AGBL3: variants seen among roughly 807,000 people sequenced by gnomAD.
AGBL3 encodes AGBL carboxypeptidase 3.
In AGBL3, 68 loss-of-function variants were observed where a neutral mutation model predicts 94.5. That is an observed-to-expected ratio of 0.72 (90% confidence interval 0.59 to 0.88). AGBL3 has a LOEUF of 0.88. Ranked by LOEUF, AGBL3 falls within the 40% of genes least tolerant of loss-of-function variation. AGBL3 has a pLI of 0.00. For synonymous variants in AGBL3, 354 were observed against 370.7 expected (o/e 0.95, Z 0.52); for missense variants, 934 against 1,103.8 (o/e 0.85, Z 2.18).
intron 5 of AGBL3, among the ~76,000 whole-genome samples, chr7:135,026,611 C>T (rs1288005726): frequency 6.6e-6 from 1 of 151,600 alleles, no homozygotes; most frequent in Non-Finnish European, 1.5e-5. Context: ...CTTTTTATCT[C>T]TGGCATTACA....
chr7:135,104,339 C>T (rs1824319752), intron 15 of AGBL3, among the ~76,000 whole-genome samples: 5 of 152,130 alleles, frequency 3.3e-5, no homozygotes, highest in Admixed American at 3.3e-4. Flanking sequence ...AGGTTGATTC[C>T]ATGTCTTTGC....
Position 135,070,766 on chromosome 7 carries a change from A to G in AGBL3, c.1909-5631A>G, listed in dbSNP as rs1470954253. On this transcript the variant is annotated intron_variant, in intron 12 of 16. Transcript: ENST00000436302. Reference sequence around the variant, plus strand: ...TATCTATGACAAACCCACAGCCAATATCATACTGAATGGGCAAAAACTGGA... The same window carrying G: ...TATCTATGACAAACCCACAGCCAATGTCATACTGAATGGGCAAAAACTGGA... Among the ~76,000 whole-genome samples the G allele has an allele frequency of 2.6e-5, 4 of 152,208 alleles. No individual in the cohort carries two copies. The South Asian group carries it at 8.3e-4, about 32-fold the overall frequency.
intron 16 of AGBL3, among the ~76,000 whole-genome samples, chr7:135,131,396 C>G (rs930760980): frequency 4.0e-5 from 6 of 151,130 alleles, no homozygotes; most frequent in Admixed American, 1.3e-4. Flanking sequence ...ACCTATGTAA[C>G]AAACCTGCAC....
At chr7:134,997,057 G>A (rs1162765466) in intron 4 of AGBL3, among the ~76,000 whole-genome samples, 5 of 152,140 alleles carry the variant, frequency 3.3e-5, no homozygotes, top group Admixed American at 1.3e-4. Flanking sequence ...CCAGTTTCGG[G>A]GAAGATAATT....
chr7:135,133,380 G>A (rs545393369), intron 16 of AGBL3, among the ~76,000 whole-genome samples: 2 of 152,258 alleles, frequency 1.3e-5, no homozygotes, highest in East Asian at 3.9e-4. Context: ...AGTTTAACAC[G>A]ATGCCTATCA....
intron 12 of AGBL3, among the ~76,000 whole-genome samples, chr7:135,061,462 C>T (rs1818833631): frequency 6.6e-6 from 1 of 152,012 alleles, no homozygotes; most frequent in African/African-American, 2.4e-5. Context: ...AAAATGATTG[C>T]CCAGACCAAT....
rs1430328108 is a variant in AGBL3, at chr7:135,086,426, C to CA, written c.2110+4637dup. ...AGGGGAAAAGCTTTCAACTTTTCCT[C>CA]ATTCAGCATGATATTGGGTGCGGGT... On this transcript the variant is annotated intron_variant, in intron 15 of 16. Coordinates refer to ENST00000436302, the MANE Select transcript of AGBL3 (RefSeq NM_178563.4). Among the ~76,000 whole-genome samples, 3 of 152,108 alleles carry CA rather than the reference C, an allele frequency of 2.0e-5. No individual in the cohort carries two copies. The East Asian group carries it at 5.8e-4, about 29-fold the overall frequency.
chr7:135,129,240 A>G (rs1481309901), intron 16 of AGBL3: 1 of 1,498,070 alleles, frequency 6.7e-7, no homozygotes, highest in South Asian at 1.1e-5. Context: ...GCCTGGCTAC[A>G]TCATGGGTAT....
rs142335022 is a variant in AGBL3 at position 135,120,763 on chromosome 7, A to G, written c.2342+5152A>G. ...AGGATGGAAGAAGATACATCATGCA[A>G]ACATTAATAGATGAAAGCAGAAGTG... is the stretch of plus-strand genomic sequence containing the variant. On this transcript the variant is annotated intron_variant, in intron 16 of 16. Transcript: ENST00000436302. Among the ~76,000 whole-genome samples, 3 of 152,364 alleles carry G rather than the reference A, an allele frequency of 2.0e-5. No homozygotes were observed. In the East Asian group the frequency reaches 5.8e-4, roughly 29 times the overall value.
intron 5 of AGBL3, among the ~76,000 whole-genome samples, chr7:135,024,335 C>T (rs567005555): frequency 6.6e-6 from 1 of 152,318 alleles, no homozygotes; most frequent in African/African-American, 2.4e-5. Context: ...GGCCATTACT[C>T]TCAAGCACCA....
At chr7:135,002,590 A>G (rs1811856978) in intron 4 of AGBL3, among the ~76,000 whole-genome samples, 1 of 152,160 alleles carries the variant, frequency 6.6e-6, no homozygotes, top group African/African-American at 2.4e-5. Flanking sequence ...CCCCAAGTAG[A>G]CAAAGAAACT....
intron 2 of AGBL3, among the ~76,000 whole-genome samples, chr7:134,988,926 C>G (rs938428173): frequency 6.6e-6 from 1 of 152,178 alleles, no homozygotes; most frequent in Non-Finnish European, 1.5e-5. Flanking sequence ...GCATGAGCCG[C>G]CACGCCCGGC....
chr7:135,125,940 T>A (rs1208383525), intron 16 of AGBL3, among the ~76,000 whole-genome samples: 1 of 152,134 alleles, frequency 6.6e-6, no homozygotes, highest in Non-Finnish European at 1.5e-5. Flanking sequence ...CAATATCATA[T>A]TGAATAGGCA....
rs1283156213 is a variant in AGBL3 at position 135,034,721 on chromosome 7, T to C, written c.1130T>C (p.Phe377Ser). ...ETNSSWIMKGFLDYILGNSSD... is the reference protein window; with the variant it reads ...ETNSSWIMKGSLDYILGNSSD... ...AACAGCTCTTGGATCATGAAAGGCT[T>C]CCTAGATTATATTTTAGGAAACTCA... The change falls in exon 7 of 17, where the codon TTC becomes TCC. Residue 377 changes from phenylalanine (F) to serine (S), a missense_variant. By Grantham distance (155) the Phe-to-Ser change is radical. Coordinates refer to ENST00000436302, the MANE Select transcript of AGBL3 (RefSeq NM_178563.4). 15 of 1,550,998 alleles carry C rather than the reference T, an allele frequency of 9.7e-6. No homozygotes were observed. Among genetic ancestry groups the C allele is most frequent in the African/African-American group, 1.4e-5 (1 of 73,132 alleles).
intron 4 of AGBL3, among the ~76,000 whole-genome samples, chr7:135,000,288 G>A (rs1811554953): frequency 6.6e-6 from 1 of 152,196 alleles, no homozygotes; most frequent in Non-Finnish European, 1.5e-5. Flanking sequence ...ATTTCTGGAT[G>A]TGCCTCTGAG....
rs1827231668 is a variant in AGBL3 at position 135,122,181 on chromosome 7, C to T, written c.2342+6570C>T. Among the ~76,000 whole-genome samples the T allele has an allele frequency of 1.3e-5, 2 of 152,226 alleles. 1 individual carries two copies. The highest frequency in any genetic ancestry group is 4.1e-4 in the South Asian group (2 of 4,836). On this transcript the variant is annotated intron_variant, in intron 16 of 16. Transcript: ENST00000436302. The stretch of plus-strand genomic sequence containing the variant: ...CATCATCCATCTCTATAGCTCCAGG[C>T]TGTGCTTTTCCTCTGCTGGAGTCAG...
chr7:135,009,800 T>C (rs565790592), intron 4 of AGBL3, among the ~76,000 whole-genome samples: 1 of 152,316 alleles, frequency 6.6e-6, no homozygotes, highest in East Asian at 1.9e-4. Flanking sequence ...AAAAATTTAT[T>C]TTAAAAGCTT....
chr7:135,089,720 A>T (rs1455931003), intron 15 of AGBL3, among the ~76,000 whole-genome samples: 1 of 152,144 alleles, frequency 6.6e-6, no homozygotes, highest in Non-Finnish European at 1.5e-5. Context: ...AGGGCTTTTG[A>T]GGTCTTCCTA....
chr7:135,078,569 A>T (rs1410529858), intron 13 of AGBL3, among the ~76,000 whole-genome samples: 2 of 152,172 alleles, frequency 1.3e-5, no homozygotes, highest in African/African-American at 2.4e-5. Context: ...ATATCCACAG[A>T]GTGGTTTTCC....
Sources: allele counts gnomAD v4.1 joint callset (sites outside exome capture counted in the v4.1 genomes callset), GRCh38; gene constraint gnomAD v4.1.1; transcripts MANE v1.5; gene names NCBI Gene and HGNC (gene_info 2026-07-23, HGNC 2026-07-21).